Variants in DCC observed in about 807,000 individuals in gnomAD.
DCC encodes netrin receptor DCC.
A neutral mutation model predicts 172.5 loss-of-function variants in DCC; 58 were observed. The observed-to-expected ratio is 0.34, with a 90% CI of 0.27 to 0.42. The LOEUF is 0.42. Ranked by LOEUF, DCC falls within the 10% of genes least tolerant of loss-of-function variation. The pLI, the probability that DCC is intolerant of heterozygous loss-of-function variation, is 1.00. For missense variants in DCC, 1,740 were observed against 1,791.0 expected (o/e 0.97, Z 0.51); for synonymous variants, 709 against 644.5 (o/e 1.10, Z -1.52).
chr18:52,651,512 T>C (rs2035130509), intron 1 of DCC, among the ~76,000 whole-genome samples: 1 of 152,080 alleles, frequency 6.6e-6, no homozygotes, highest in African/African-American at 2.4e-5. Context: ...TTTTTTTTTT[T>C]TTGCAGATGA....
chr18:53,476,762 T>C (rs2145200239), intron 25 of DCC, among the ~76,000 whole-genome samples: 1 of 152,306 alleles, frequency 6.6e-6, no homozygotes, highest in East Asian at 1.9e-4. Context: ...ATTCTCATAA[T>C]GTGTTATTTC....
chr18:52,598,601 T>A (rs1366028508), intron 1 of DCC, among the ~76,000 whole-genome samples: 1 of 152,126 alleles, frequency 6.6e-6, no homozygotes, highest in Non-Finnish European at 1.5e-5. Flanking sequence ...AGGCCTCTTG[T>A]GCATGTCAAG....
chr18:52,660,520 G>A (rs751018147), intron 1 of DCC, among the ~76,000 whole-genome samples: 17 of 152,286 alleles, frequency 1.1e-4, no homozygotes, highest in South Asian at 8.3e-4. Flanking sequence ...CAATCTAAAA[G>A]AGAAGAATGA....
At chr18:52,467,382 T>C (rs572738021) in intron 1 of DCC, among the ~76,000 whole-genome samples, 1 of 97,732 alleles carries the variant, frequency 1.0e-5, no homozygotes, top group African/African-American at 2.7e-5. Flanking sequence ...GAACTCATCC[T>C]TTTTTTATGG....
At position 53,456,942 on chromosome 18, in the gene DCC, A is replaced by G. The variant is rs1040622394; in HGVS notation, c.3393-2290A>G. On this transcript the variant is annotated intron_variant, in intron 23 of 28. Transcript: ENST00000442544. ...TTTTATTACAAACCTGCTGTGGTAGAGGTTGGAGGGACAAAAGAAGGAGAG... is the reference window on the plus strand; with the variant it reads ...TTTTATTACAAACCTGCTGTGGTAGGGGTTGGAGGGACAAAAGAAGGAGAG... Among the ~76,000 whole-genome samples the G allele has an allele frequency of 2.0e-5, 3 of 152,232 alleles. No homozygotes were observed. The East Asian group carries it at 5.8e-4, about 29-fold the overall frequency.
At chr18:52,406,931 A>G (rs2144392489) in intron 1 of DCC, among the ~76,000 whole-genome samples, 1 of 152,074 alleles carries the variant, frequency 6.6e-6, no homozygotes, top group African/African-American at 2.4e-5. Context: ...ATTCTCTGCC[A>G]GGTTTGTTTT....
chr18:53,166,521 T>A (rs1236840197), intron 8 of DCC, among the ~76,000 whole-genome samples: 2 of 152,262 alleles, frequency 1.3e-5, no homozygotes, highest in African/African-American at 4.8e-5. Context: ...GGATAGACGC[T>A]GAAACTAAAC....
chr18:52,782,631 T>A (rs916595904), intron 2 of DCC, among the ~76,000 whole-genome samples: 1 of 152,082 alleles, frequency 6.6e-6, no homozygotes, highest in Non-Finnish European at 1.5e-5. Context: ...CCTTTCTCCA[T>A]GTGCATCTTT....
At chr18:53,370,049 T>A (rs907501213) in intron 15 of DCC, among the ~76,000 whole-genome samples, 1 of 151,824 alleles carries the variant, frequency 6.6e-6, no homozygotes, top group Non-Finnish European at 1.5e-5. Flanking sequence ...ATTTTTTTAA[T>A]GTTTGGTAGA....
At chr18:52,408,146 A>C (rs1244159950) in intron 1 of DCC, among the ~76,000 whole-genome samples, 1 of 152,122 alleles carries the variant, frequency 6.6e-6, no homozygotes, top group East Asian at 1.9e-4. Context: ...CTTGGGACTT[A>C]CTATCAATCA....
chr18:52,909,575 T>C (rs2039938768), intron 3 of DCC, among the ~76,000 whole-genome samples: 1 of 152,208 alleles, frequency 6.6e-6, no homozygotes, highest in African/African-American at 2.4e-5. Context: ...GTGAAACTTA[T>C]TTCAGGTTGC....
chr18:53,048,695 T>C (rs2042293919), intron 5 of DCC, among the ~76,000 whole-genome samples: 1 of 151,272 alleles, frequency 6.6e-6, no homozygotes, highest in African/African-American at 2.4e-5. Context: ...ATACCTATTC[T>C]TTTGGATATA....
chr18:53,376,968 C>G (rs764248447), intron 15 of DCC, among the ~76,000 whole-genome samples: 1 of 152,132 alleles, frequency 6.6e-6, no homozygotes, highest in African/African-American at 2.4e-5. Context: ...CAGACAATTG[C>G]AATAGCTTCT....
At chr18:53,399,512 A>C (rs139211514) in intron 18 of DCC, among the ~76,000 whole-genome samples, 278 of 152,264 alleles carry the variant, frequency 1.8e-3, no homozygotes, top group African/African-American at 6.4e-3. Context: ...CAAATGCCCA[A>C]TACAATTCCT....
intron 1 of DCC, among the ~76,000 whole-genome samples, chr18:52,496,220 C>T (rs994585232): frequency 1.3e-5 from 2 of 152,060 alleles, no homozygotes; most frequent in African/African-American, 2.4e-5. Flanking sequence ...AAGGTAAATA[C>T]AGGCCAAAGA....
intron 5 of DCC, among the ~76,000 whole-genome samples, chr18:52,940,308 G>T (rs950700209): frequency 9.9e-5 from 15 of 152,140 alleles, no homozygotes; most frequent in Admixed American, 2.0e-4. Context: ...AACAGTCGAG[G>T]CAGAGACCAG....
chr18:52,366,447 C>T (rs1333257031), intron 1 of DCC, among the ~76,000 whole-genome samples: 3 of 152,138 alleles, frequency 2.0e-5, no homozygotes, highest in Admixed American at 1.3e-4. Context: ...TTGGTAGAGC[C>T]GAGTGGCCTG....
chr18:53,209,547 A>G (rs2055713241), intron 11 of DCC, among the ~76,000 whole-genome samples: 1 of 152,220 alleles, frequency 6.6e-6, no homozygotes, highest in African/African-American at 2.4e-5. Context: ...TATCAGTGAA[A>G]TGAGGAAGGG....
chr18:52,399,886 T>A (rs189061144), intron 1 of DCC, among the ~76,000 whole-genome samples: 137 of 152,136 alleles, frequency 9.0e-4, no homozygotes, highest in Non-Finnish European at 1.6e-3. Flanking sequence ...GATGGCCAAC[T>A]ATATATTTGT....
Sources: gnomAD v4.1 joint callset for allele counts (sites outside exome capture counted in the v4.1 genomes callset) on GRCh38, gnomAD v4.1.1 for gene constraint, MANE v1.5 for transcripts, NCBI Gene and HGNC (gene_info 2026-07-23, HGNC 2026-07-21) for gene names.